Variants in SPAG16 observed in about 807,000 individuals in gnomAD.
SPAG16 encodes sperm associated antigen 16.
Under a neutral mutation model 80.4 loss-of-function variants are expected in SPAG16, and 86 were observed. That is an observed-to-expected ratio of 1.07 (90% CI 0.90 to 1.28). The LOEUF is 1.28. Ranked by LOEUF, SPAG16 falls within the 50% of genes most tolerant of loss-of-function variation. The pLI is 0.00. For missense variants in SPAG16, 870 were observed against 765.3 expected (o/e 1.14, Z -1.61); for synonymous variants, 294 against 265.9 (o/e 1.11, Z -1.03).
intron 10 of SPAG16, among the ~76,000 whole-genome samples, chr2:213,534,838 C>A (rs574083096): frequency 3.2e-4 from 49 of 152,224 alleles, no homozygotes; most frequent in South Asian, 1.0e-3. Flanking sequence ...GACATTCTAA[C>A]TTCCTGCACA....
At chr2:213,683,810 C>T (rs1052785329) in intron 10 of SPAG16, among the ~76,000 whole-genome samples, 2 of 152,036 alleles carry the variant, frequency 1.3e-5, no homozygotes, top group Non-Finnish European at 2.9e-5. Context: ...AAAAACTAGG[C>T]CAGTGTACTA....
intron 10 of SPAG16, among the ~76,000 whole-genome samples, chr2:213,710,099 T>C (rs957009886): frequency 1.3e-5 from 2 of 152,018 alleles, no homozygotes; most frequent in African/African-American, 4.8e-5. Flanking sequence ...GCTAACATGG[T>C]GAAACCTCGT....
intron 10 of SPAG16, among the ~76,000 whole-genome samples, chr2:213,765,395 G>A (rs1166787095): frequency 6.6e-6 from 1 of 152,046 alleles, no homozygotes; most frequent in Non-Finnish European, 1.5e-5. Flanking sequence ...AACAAAAAAA[G>A]ATTAAAACAG....
chr2:213,836,336 T>C (rs2074079497), intron 10 of SPAG16, among the ~76,000 whole-genome samples: 1 of 152,128 alleles, frequency 6.6e-6, no homozygotes, highest in Non-Finnish European at 1.5e-5. Context: ...ACTAAATACA[T>C]GAGAAATATG....
chr2:213,602,956 T>A (rs947821592), intron 10 of SPAG16, among the ~76,000 whole-genome samples: 1 of 152,246 alleles, frequency 6.6e-6, no homozygotes, highest in Non-Finnish European at 1.5e-5. Context: ...TTAATTCACT[T>A]ACAGTGCATA....
intron 9 of SPAG16, among the ~76,000 whole-genome samples, chr2:213,406,233 T>A (rs1276301767): frequency 6.6e-6 from 1 of 152,252 alleles, no homozygotes; most frequent in Non-Finnish European, 1.5e-5. Context: ...GCAGTTACTT[T>A]ATTCATTCAT....
intron 15 of SPAG16, among the ~76,000 whole-genome samples, chr2:214,150,448 T>C (rs1024957733): frequency 2.6e-5 from 4 of 152,018 alleles, no homozygotes; most frequent in Admixed American, 1.3e-4. Context: ...CTCTTCAAAA[T>C]AGAAGTCTCA....
intron 10 of SPAG16, among the ~76,000 whole-genome samples, chr2:213,735,069 A>G (rs2067224491): frequency 6.6e-6 from 1 of 152,070 alleles, no homozygotes; most frequent in Non-Finnish European, 1.5e-5. Flanking sequence ...GTCCAAAAAC[A>G]CTGTAATATC....
chr2:213,786,796 G>T (rs1315838926), intron 10 of SPAG16, among the ~76,000 whole-genome samples: 1 of 152,014 alleles, frequency 6.6e-6, no homozygotes, highest in African/African-American at 2.4e-5. Flanking sequence ...ACTGATTTGA[G>T]CTGTGTTCTA....
chr2:213,572,370 T>C (rs1206533878), intron 10 of SPAG16, among the ~76,000 whole-genome samples: 7 of 116,678 alleles, frequency 6.0e-5, no homozygotes, highest in African/African-American at 1.7e-4. Context: ...TTTGTGGTTT[T>C]ATCTACTTTT....
chr2:213,895,304 C>T (rs1306605666), intron 11 of SPAG16, among the ~76,000 whole-genome samples: 2 of 151,896 alleles, frequency 1.3e-5, no homozygotes, highest in East Asian at 1.9e-4. Context: ...TTCATGCTCA[C>T]GGATTGGAAG....
chr2:214,056,311 ACACG>A (rs2049943345), intron 13 of SPAG16, among the ~76,000 whole-genome samples: 1 of 149,444 alleles, frequency 6.7e-6, no homozygotes, highest in Non-Finnish European at 1.5e-5. Context: ...ACACACACAC[ACACG>A]CATAGAGAGA....
intron 15 of SPAG16, among the ~76,000 whole-genome samples, chr2:214,385,858 G>GAAC (rs998443603): frequency 2.6e-5 from 4 of 151,954 alleles, no homozygotes; most frequent in Non-Finnish European, 4.4e-5. Flanking sequence ...TATAATAAAT[G>GAAC]AACAACAACA....
At position 213,587,662 on chromosome 2, in the gene SPAG16, ATATG is replaced by A. The variant is rs371275638; in HGVS notation, c.1070+97573_1070+97576del. 4.2e-3 allele frequency among the ~76,000 whole-genome samples: 635 copies of A among 152,304 alleles called. 7 individuals carry two copies. Among genetic ancestry groups the A allele is most frequent in the African/African-American group, 0.014 (600 of 41,556 alleles). Reference sequence around the variant, plus strand: ...AGAACACACTTTCTTATTCCTTTTAATATGGATAGGCTGAGAATTTTCCAATTTT... The same window carrying A: ...AGAACACACTTTCTTATTCCTTTTAAGATAGGCTGAGAATTTTCCAATTTT... On this transcript the variant is annotated intron_variant, in intron 10 of 15. Transcript: ENST00000331683.
chr2:214,091,249 AT>A (rs1157976623), intron 13 of SPAG16, among the ~76,000 whole-genome samples: 1 of 152,076 alleles, frequency 6.6e-6, no homozygotes, highest in Non-Finnish European at 1.5e-5. Flanking sequence ...TGTTCTAAGC[AT>A]TTTACATTAT....
intron 15 of SPAG16, among the ~76,000 whole-genome samples, chr2:214,321,144 G>T (rs955329752): frequency 6.6e-6 from 1 of 152,096 alleles, no homozygotes; most frequent in Non-Finnish European, 1.5e-5. Flanking sequence ...TAAGATAATG[G>T]CTATCAGAGA....
intron 10 of SPAG16, among the ~76,000 whole-genome samples, chr2:213,835,779 T>A (rs548580731): frequency 6.6e-6 from 1 of 152,320 alleles, no homozygotes; most frequent in South Asian, 2.1e-4. Flanking sequence ...TAACAACCCA[T>A]AACTATGTGA....
At chr2:213,890,269 A>T (rs1415730530) in intron 11 of SPAG16, among the ~76,000 whole-genome samples, 1 of 152,094 alleles carries the variant, frequency 6.6e-6, no homozygotes, top group East Asian at 1.9e-4. Context: ...AGAACTGTAA[A>T]ATCTAAATAG....
At chr2:213,950,702 C>CTTTT (rs59353089) in intron 12 of SPAG16, among the ~76,000 whole-genome samples, 1 of 99,718 alleles carries the variant, frequency 1.0e-5, no homozygotes, top group Non-Finnish European at 1.9e-5. Context: ...TTTTTTCTTT[C>CTTTT]TTTTTTTTTT....
Sources: allele counts gnomAD v4.1 joint callset (sites outside exome capture counted in the v4.1 genomes callset), GRCh38; gene constraint gnomAD v4.1.1; transcripts MANE v1.5; gene names NCBI Gene and HGNC (gene_info 2026-07-23, HGNC 2026-07-21).